The following TBCA variants were observed in gnomAD, a reference collection of about 807,000 sequenced individuals.
TBCA encodes the protein tubulin folding cofactor A, also known as tubulin-specific chaperone A.
A neutral mutation model predicts 15.8 loss-of-function variants in TBCA; 6 were observed. That is an observed-to-expected ratio of 0.38 (90% CI 0.21 to 0.75). The LOEUF is 0.75. Ranked by LOEUF, TBCA falls within the 30% of genes least tolerant of loss-of-function variation. The pLI, the probability that TBCA is intolerant of heterozygous loss-of-function variation, is 0.46. For missense variants in TBCA, 90 were observed against 131.2 expected, an observed-to-expected ratio of 0.69 and a Z score of 1.53; for synonymous variants, 32 against 42.3, an observed-to-expected ratio of 0.76 and a Z score of 0.94.
intron 2 of TBCA, 77 bp downstream of exon 2, chr5:77,708,165 G>A (rs1330168251): frequency 1.1e-6 from 1 of 913,706 alleles, no homozygotes; most frequent in African/African-American, 1.7e-5. Flanking sequence ...CTCAGTCAGA[G>A]GACTACTGTA....
intron 1 of TBCA, among the ~76,000 whole-genome samples, chr5:77,730,254 A>T (rs1408355163): frequency 1.3e-5 from 2 of 152,180 alleles, no homozygotes; most frequent in Non-Finnish European, 2.9e-5. Context: ...AAATCCAAGG[A>T]CTGGTGTCTT....
In TBCA at chr5:77,776,324, G is replaced by A. The variant is rs1580145880; in HGVS notation, c.-67C>T. 10 of 1,539,420 alleles carry A rather than the reference G, an allele frequency of 6.5e-6. No homozygotes were observed. The highest frequency in any genetic ancestry group is 3.6e-5 in the South Asian group (3 of 83,744). ...GTAACCGTGGAGGGCGACGCGCAGA[G>A]GCTGCGGCTATTTAGGCGTGGTCGC... On this transcript the variant is annotated 5_prime_UTR_variant, in exon 1 of 4. Transcript: ENST00000380377.
intron 1 of TBCA, among the ~76,000 whole-genome samples, chr5:77,711,343 G>A (rs1405689230): frequency 6.6e-6 from 1 of 152,054 alleles, no homozygotes; most frequent in African/African-American, 2.4e-5. Context: ...ACAAAAAAGG[G>A]TTGCTGACCC....
At chr5:77,749,568 C>G (rs1182076481) in intron 1 of TBCA, among the ~76,000 whole-genome samples, 1 of 152,144 alleles carries the variant, frequency 6.6e-6, no homozygotes, top group Admixed American at 6.5e-5. Context: ...TATTTCCAGA[C>G]CAAAAGGCCG....
chr5:77,749,871 C>T (rs1747276563), intron 1 of TBCA, among the ~76,000 whole-genome samples: 1 of 152,088 alleles, frequency 6.6e-6, no homozygotes, highest in Non-Finnish European at 1.5e-5. Flanking sequence ...GAATACTTTG[C>T]AGTCTTTAAA....
chr5:77,723,350 C>T (rs115364453), intron 1 of TBCA, among the ~76,000 whole-genome samples: 1 of 151,642 alleles, frequency 6.6e-6, no homozygotes, highest in Non-Finnish European at 1.5e-5. Context: ...AAAACTGGGG[C>T]CTTGTAGAAA....
At chr5:77,772,355 G>A (rs932875753) in intron 1 of TBCA, among the ~76,000 whole-genome samples, 1 of 151,996 alleles carries the variant, frequency 6.6e-6, no homozygotes, top group Admixed American at 6.6e-5. Context: ...TTTAAAAATA[G>A]GTTGCAGGGT....
In TBCA at chr5:77,694,388, G is replaced by A. The variant is rs576945945; in HGVS notation, c.160-1036C>T. 9 of 152,198 alleles carry A rather than the reference G, an allele frequency of 5.9e-5. No homozygotes were observed. The South Asian group carries it at 1.9e-3, about 32-fold the overall frequency. The allele number at this position is 152,198 out of a possible 1,614,324, so 9.4% of individuals were successfully genotyped here. On this transcript the variant is annotated intron_variant, in intron 2 of 3. Transcript: ENST00000380377. ...ACTACAGAATTAAACACAGAAATAT[G>A]TATTCTAGAGGATATTTCTGGACGT... is the stretch of plus-strand genomic sequence containing the variant.
At chr5:77,763,554 T>C (rs1747698553) in intron 1 of TBCA, among the ~76,000 whole-genome samples, 1 of 152,172 alleles carries the variant, frequency 6.6e-6, no homozygotes, top group South Asian at 2.1e-4. Flanking sequence ...GATGGGGTCT[T>C]TGGAAGGTAA....
chr5:77,701,338 G>A (rs554656133), intron 2 of TBCA, among the ~76,000 whole-genome samples: 2 of 152,142 alleles, frequency 1.3e-5, no homozygotes, highest in East Asian at 3.9e-4. Context: ...TCAGGGAAAT[G>A]CAAATCAAAA....
chr5:77,704,718 A>G (rs1746107296), intron 2 of TBCA, among the ~76,000 whole-genome samples: 1 of 152,226 alleles, frequency 6.6e-6, no homozygotes, highest in Non-Finnish European at 1.5e-5. Context: ...AGCCAGGGAA[A>G]AGAAATTAAG....
intron 1 of TBCA, among the ~76,000 whole-genome samples, chr5:77,722,180 G>A (rs1190152060): frequency 6.6e-6 from 1 of 151,970 alleles, no homozygotes; most frequent in Non-Finnish European, 1.5e-5. Flanking sequence ...ACATACATCT[G>A]TGACAAACAT....
At chr5:77,750,164 A>AATTTGTGT (rs1747288584) in intron 1 of TBCA, among the ~76,000 whole-genome samples, 1 of 150,174 alleles carries the variant, frequency 6.7e-6, no homozygotes, top group Non-Finnish European at 1.5e-5. Context: ...AGAGAGCACA[A>AATTTGTGT]ATATATATAT....
At chr5:77,732,804 A>T (rs143351606) in intron 1 of TBCA, among the ~76,000 whole-genome samples, 1 of 152,122 alleles carries the variant, frequency 6.6e-6, no homozygotes, top group African/African-American at 2.4e-5. Flanking sequence ...GGCAAACTCA[A>T]TCGATGAATG....
chr5:77,768,912 C>T (rs888046150), intron 1 of TBCA, among the ~76,000 whole-genome samples: 2 of 152,188 alleles, frequency 1.3e-5, no homozygotes, highest in Non-Finnish European at 2.9e-5. Context: ...TTGCTTACTA[C>T]AGATTTTCAA....
intron 1 of TBCA, among the ~76,000 whole-genome samples, chr5:77,756,855 G>GTA (rs376129704): frequency 1.3e-5 from 2 of 150,210 alleles, no homozygotes; most frequent in African/African-American, 4.9e-5. Flanking sequence ...TCCACAAACA[G>GTA]AACACCCCAA....
chr5:77,730,068 G>A (rs1416404543), intron 1 of TBCA, among the ~76,000 whole-genome samples: 1 of 152,176 alleles, frequency 6.6e-6, no homozygotes, highest in Non-Finnish European at 1.5e-5. Context: ...AAGCTCTGAA[G>A]CTTGGATATT....
In TBCA at chr5:77,773,428, C is replaced by T. The variant is rs187651561; in HGVS notation, c.53+2777G>A. 3.8e-3 allele frequency among the ~76,000 whole-genome samples: 576 copies of T among 152,294 alleles called. 3 individuals are homozygous for T. Among genetic ancestry groups the T allele is most frequent in the Non-Finnish European group, 5.1e-3 (349 of 68,032 alleles). On this transcript the variant is annotated intron_variant, in intron 1 of 3. Transcript: ENST00000380377. ...CAGTATTATTAACATTTACTACCCA[C>T]TTGCTATTTGCCACATACTGTATTA...
chr5:77,720,520 C>T (rs1488620197), intron 1 of TBCA, among the ~76,000 whole-genome samples: 1 of 152,016 alleles, frequency 6.6e-6, no homozygotes, highest in East Asian at 1.9e-4. Context: ...TCAAGACCAG[C>T]TTGGCCAACA....
Sources: gnomAD v4.1 joint callset for allele counts (sites outside exome capture counted in the v4.1 genomes callset) on GRCh38, gnomAD v4.1.1 for gene constraint, MANE v1.5 for transcripts, NCBI Gene and HGNC (gene_info 2026-07-23, HGNC 2026-07-21) for gene names.